Variants in CDH18 observed in about 807,000 individuals in gnomAD.
CDH18 encodes cadherin-18.
CDH18 carries 31 observed loss-of-function variants against 67.9 expected under a neutral mutation model. That is an observed-to-expected ratio of 0.46 (90% confidence interval 0.34 to 0.62). The LOEUF is 0.62. Ranked by LOEUF, CDH18 falls within the 20% of genes least tolerant of loss-of-function variation. CDH18 has a pLI of 0.01. For synonymous variants in CDH18, 362 were observed against 347.2 expected (o/e 1.04, Z -0.48); for missense variants, 890 against 975.5 (o/e 0.91, Z 1.17).
intron 2 of CDH18, among the ~76,000 whole-genome samples, chr5:20,059,367 T>C (rs1459214065): frequency 1.3e-5 from 2 of 152,198 alleles, no homozygotes; most frequent in Non-Finnish European, 2.9e-5. Context: ...TGTCTTGTGC[T>C]ATCCTTTGAA....
intron 8 of CDH18, among the ~76,000 whole-genome samples, chr5:19,550,492 C>T (rs961248842): frequency 3.5e-4 from 53 of 151,870 alleles, no homozygotes; most frequent in African/African-American, 1.2e-3. Context: ...CAATTCCAAC[C>T]TATGAGTAAG....
chr5:19,572,465 A>C (rs900956085), intron 7 of CDH18, among the ~76,000 whole-genome samples: 15 of 152,156 alleles, frequency 9.9e-5, no homozygotes, highest in African/African-American at 3.6e-4. Flanking sequence ...CCTGCAGAGA[A>C]ATTGAGGCAT....
intron 2 of CDH18, among the ~76,000 whole-genome samples, chr5:20,053,818 A>C (rs1431178400): frequency 6.6e-6 from 1 of 152,148 alleles, no homozygotes; most frequent in Admixed American, 6.6e-5. Flanking sequence ...TTTTAAAGTA[A>C]GTCAAGCCAT....
chr5:20,287,712 A>T (rs570290773), intron 1 of CDH18, among the ~76,000 whole-genome samples: 1 of 151,926 alleles, frequency 6.6e-6, no homozygotes, highest in East Asian at 1.9e-4. Flanking sequence ...AATTGAAAAC[A>T]TTAGCTGGTT....
At chr5:20,198,039 G>A (rs1385984126) in intron 2 of CDH18, among the ~76,000 whole-genome samples, 2 of 152,102 alleles carry the variant, frequency 1.3e-5, no homozygotes, top group Non-Finnish European at 2.9e-5. Context: ...GCCCTGTGAA[G>A]AGGTGCCTGC....
chr5:20,305,939 A>G (rs1736410861), intron 1 of CDH18: 2 of 164,934 alleles, frequency 1.2e-5, no homozygotes, highest in Non-Finnish European at 2.6e-5. Context: ...TTACATTTCT[A>G]TTTTATTATA....
At chr5:20,511,502 A>G (rs1169975087) in intron 1 of CDH18, among the ~76,000 whole-genome samples, 1 of 152,168 alleles carries the variant, frequency 6.6e-6, no homozygotes, top group African/African-American at 2.4e-5. Context: ...ATTCTAATAG[A>G]GGCATAGGCA....
At chr5:19,838,723 AGG>A in intron 3 of CDH18, 34 bp downstream of exon 3, 1 of 1,426,942 alleles carries the variant, frequency 7.0e-7, no homozygotes, top group Non-Finnish European at 9.8e-7. Context: ...ACAATTTCTC[AGG>A]ATAGAAAAAA....
At chr5:19,677,237 AT>A (rs1759628083) in intron 5 of CDH18, among the ~76,000 whole-genome samples, 2 of 152,112 alleles carry the variant, frequency 1.3e-5, no homozygotes, top group Admixed American at 1.3e-4. Context: ...GCCAGAAGCG[AT>A]TGGGGATGTG....
chr5:19,779,764 T>C (rs1233423339), intron 3 of CDH18, among the ~76,000 whole-genome samples: 2 of 152,130 alleles, frequency 1.3e-5, no homozygotes, highest in African/African-American at 4.8e-5. Flanking sequence ...GTGTAGAAGA[T>C]GTTATTACTA....
At chr5:19,887,166 T>A (rs1290761971) in intron 2 of CDH18, among the ~76,000 whole-genome samples, 6 of 151,528 alleles carry the variant, frequency 4.0e-5, no homozygotes, top group Admixed American at 2.0e-4. Context: ...TGTTTTTTTT[T>A]TTTGCTACCC....
At chr5:20,399,536 G>A (rs540016730) in intron 1 of CDH18, among the ~76,000 whole-genome samples, 2 of 152,230 alleles carry the variant, frequency 1.3e-5, no homozygotes, top group Non-Finnish European at 2.9e-5. Context: ...ACTTGAATTC[G>A]ATATTACTTA....
intron 1 of CDH18, among the ~76,000 whole-genome samples, chr5:20,465,592 G>A (rs1258435463): frequency 6.6e-6 from 1 of 151,910 alleles, no homozygotes; most frequent in Non-Finnish European, 1.5e-5. Context: ...TTACTAATTA[G>A]TATGATTTAT....
upstream of CDH18, among the ~76,000 whole-genome samples, chr5:19,992,397 T>C (rs1440147920): frequency 2.6e-5 from 4 of 150,966 alleles, no homozygotes; most frequent in East Asian, 1.9e-4. Flanking sequence ...TAATAGATGA[T>C]GAAGTCTAGC....
intron 3 of CDH18, among the ~76,000 whole-genome samples, chr5:19,807,684 C>A (rs530330142): frequency 1.3e-5 from 2 of 152,262 alleles, no homozygotes; most frequent in African/African-American, 4.8e-5. Context: ...TTATCCATTC[C>A]CAATGACCAC....
At chr5:20,076,240 T>C (rs1020934730) in intron 2 of CDH18, among the ~76,000 whole-genome samples, 13 of 152,156 alleles carry the variant, frequency 8.5e-5, no homozygotes, top group African/African-American at 3.1e-4. Context: ...TTATATAATA[T>C]GTACATTTTA....
At position 20,340,019 on chromosome 5, in the gene CDH18, C is replaced by G. The variant is rs542230363; in HGVS notation, c.-579-84514G>C. ...CTAAATGGAACATTGATGAAAGCAC[C>G]AGAGAATGGAGAAGGAATCTCTTTC... On this transcript the variant is annotated intron_variant, in intron 1 of 14. Coordinates refer to the CDH18 transcript ENST00000507958. 2.0e-5 allele frequency among the ~76,000 whole-genome samples: 3 copies of G among 152,186 alleles called. No individual in the cohort carries two copies. In the East Asian group the frequency reaches 5.8e-4, roughly 29 times the overall value.
intron 2 of CDH18, among the ~76,000 whole-genome samples, chr5:20,074,189 C>T (rs1159083237): frequency 6.6e-6 from 1 of 152,052 alleles, no homozygotes; most frequent in Non-Finnish European, 1.5e-5. Flanking sequence ...CAATTATACA[C>T]ATATAGACAG....
intron 2 of CDH18, among the ~76,000 whole-genome samples, chr5:20,017,331 C>G (rs1343368808): frequency 6.6e-6 from 1 of 151,964 alleles, no homozygotes; most frequent in African/African-American, 2.4e-5. Context: ...AGAATTTTTT[C>G]ACTTCTAAAA....
Sources: gnomAD v4.1 joint callset for allele counts (sites outside exome capture counted in the v4.1 genomes callset) on GRCh38, gnomAD v4.1.1 for gene constraint, MANE v1.5 for transcripts, NCBI Gene and HGNC (gene_info 2026-07-23, HGNC 2026-07-21) for gene names.